The following XPR1 variants were observed in gnomAD, a reference collection of about 807,000 sequenced individuals.
XPR1 encodes solute carrier family 53 member 1.
In XPR1, 28 loss-of-function variants were observed where a neutral mutation model predicts 87.5. The ratio of observed to expected loss-of-function variants is 0.32; its 90% confidence interval spans 0.24 to 0.44. The LOEUF is 0.44. Among genes scored for constraint, XPR1 ranks in the 20% least tolerant of loss-of-function variants. The pLI is 1.00. For synonymous variants in XPR1, 300 were observed against 306.1 expected, an observed-to-expected ratio of 0.98 and a Z score of 0.21; for missense variants, 559 against 862.3, an observed-to-expected ratio of 0.65 and a Z score of 4.41.
intron 9 of XPR1, 36 bp downstream of exon 9, chr1:180,825,380 G>T: frequency 6.3e-7 from 1 of 1,579,980 alleles, no homozygotes; most frequent in Non-Finnish European, 8.6e-7. Flanking sequence ...TTTTAGAGTG[G>T]CATATTGGTT....
intron 1 of XPR1, among the ~76,000 whole-genome samples, chr1:180,658,257 T>G (rs1470911816): frequency 6.6e-6 from 1 of 152,234 alleles, no homozygotes; most frequent in Non-Finnish European, 1.5e-5. Flanking sequence ...ACTTCTTTCT[T>G]TCTAGCTTGG....
chr1:180,804,450 A>T (rs6677349), intron 4 of XPR1, among the ~76,000 whole-genome samples: 67,373 of 152,052 alleles, frequency 0.44, 15,338 homozygotes, highest in Non-Finnish European at 0.47. Flanking sequence ...CATATTTTTT[A>T]AAAGTTATTG....
intron 1 of XPR1, among the ~76,000 whole-genome samples, chr1:180,675,469 A>C (rs1474956045): frequency 6.6e-6 from 1 of 152,196 alleles, no homozygotes; most frequent in African/African-American, 2.4e-5. Flanking sequence ...TATATTACTT[A>C]GTTTTCAGCT....
intron 2 of XPR1, among the ~76,000 whole-genome samples, chr1:180,703,114 T>C (rs887970145): frequency 6.6e-6 from 1 of 152,150 alleles, no homozygotes; most frequent in Non-Finnish European, 1.5e-5. Context: ...GAAGGCTGTT[T>C]GAGGCTTTGC....
chr1:180,632,214 G>C lies in XPR1; in HGVS notation c.13G>C (p.Glu5Gln). Reference protein sequence around the residue: MKFAEHLSAHITPEW... With the variant: MKFAQHLSAHITPEW... ...GGGAAACGGCAGGATGAAGTTCGCCGAGCACCTCTCCGCGCACATCACTCC... is the reference window on the plus strand; with the variant it reads ...GGGAAACGGCAGGATGAAGTTCGCCCAGCACCTCTCCGCGCACATCACTCC... Residue 5 changes from glutamate (E) to glutamine (Q), a missense_variant, in exon 1 of 15, where the codon GAG becomes CAG. By Grantham distance (29) the Glu-to-Gln change is conservative (BLOSUM62 2). Coordinates refer to ENST00000367590, the MANE Select transcript of XPR1 (RefSeq NM_004736.4). The C allele has an allele frequency of 6.2e-7, 1 of 1,610,316 alleles. No individual in the cohort carries two copies. The highest frequency in any genetic ancestry group is 8.5e-7 in the Non-Finnish European group (1 of 1,178,200).
intron 2 of XPR1, among the ~76,000 whole-genome samples, chr1:180,706,088 TG>T (rs1657547988): frequency 6.6e-6 from 1 of 152,202 alleles, no homozygotes; most frequent in African/African-American, 2.4e-5. Flanking sequence ...GGGTTATCAC[TG>T]GAGAATAGTT....
intron 12 of XPR1, among the ~76,000 whole-genome samples, chr1:180,864,210 T>G (rs12565658): frequency 0.23 from 34,864 of 152,032 alleles, 4,087 homozygotes; most frequent in Middle Eastern, 0.28. Flanking sequence ...GAACATGGAA[T>G]GCCCTCAGTC....
intron 14 of XPR1, among the ~76,000 whole-genome samples, chr1:180,882,574 T>G (rs1652878904): frequency 6.6e-6 from 1 of 152,172 alleles, no homozygotes; most frequent in African/African-American, 2.4e-5. Flanking sequence ...CAGGCTAGTC[T>G]CAAACTCCTA....
intron 1 of XPR1, among the ~76,000 whole-genome samples, chr1:180,663,362 C>T (rs964599997): frequency 1.3e-5 from 2 of 152,188 alleles, no homozygotes; most frequent in African/African-American, 4.8e-5. Flanking sequence ...TTCCCCAAGC[C>T]CAGTAACATT....
intron 11 of XPR1, among the ~76,000 whole-genome samples, chr1:180,846,076 A>T (rs975073579): frequency 2.6e-5 from 4 of 152,134 alleles, no homozygotes; most frequent in African/African-American, 9.7e-5. Flanking sequence ...CCTAGCCAAC[A>T]TGGCAAAACC....
chr1:180,728,997 C>A (rs1038880258), intron 2 of XPR1, among the ~76,000 whole-genome samples: 4 of 152,112 alleles, frequency 2.6e-5, no homozygotes, highest in Non-Finnish European at 5.9e-5. Flanking sequence ...CTCCTGCCAC[C>A]CTCCACCCTC....
chr1:180,766,740 C>T (rs1245063694), intron 2 of XPR1, among the ~76,000 whole-genome samples: 1 of 152,058 alleles, frequency 6.6e-6, no homozygotes, highest in Non-Finnish European at 1.5e-5. Flanking sequence ...TGAAAATCAA[C>T]AATAAGTACA....
intron 2 of XPR1, among the ~76,000 whole-genome samples, chr1:180,765,226 A>G (rs1032243742): frequency 1.3e-5 from 2 of 152,204 alleles, no homozygotes; most frequent in Non-Finnish European, 2.9e-5. Flanking sequence ...TGGAAGAGCT[A>G]GGATTTAAAC....
chr1:180,709,929 G>T (rs1657706255), intron 2 of XPR1, among the ~76,000 whole-genome samples: 1 of 148,944 alleles, frequency 6.7e-6, no homozygotes, highest in African/African-American at 2.5e-5. Context: ...TTTTCGAGAT[G>T]GAGTTTTGCT....
At chr1:180,877,560 A>G (rs1652703602) in intron 13 of XPR1, among the ~76,000 whole-genome samples, 1 of 152,248 alleles carries the variant, frequency 6.6e-6, no homozygotes, top group Non-Finnish European at 1.5e-5. Flanking sequence ...TATGAAGAGT[A>G]AATCAATGAA....
chr1:180,840,094 G>C (rs59601261), intron 11 of XPR1, among the ~76,000 whole-genome samples: 6,491 of 151,612 alleles, frequency 0.043, 489 homozygotes, highest in African/African-American at 0.15. Flanking sequence ...GCGGTGGCGG[G>C]CGCCTGTAGT....
At chr1:180,773,976 A>T (rs1648613991) in intron 2 of XPR1, among the ~76,000 whole-genome samples, 1 of 152,200 alleles carries the variant, frequency 6.6e-6, no homozygotes, top group South Asian at 2.1e-4. Context: ...TTGCATTTTC[A>T]TAGTCAGTTG....
chr1:180,845,064 C>T (rs1217566120), intron 11 of XPR1, among the ~76,000 whole-genome samples: 1 of 152,058 alleles, frequency 6.6e-6, no homozygotes, highest in Non-Finnish European at 1.5e-5. Flanking sequence ...TGGCAAAGGA[C>T]TTAAAACAGT....
At chr1:180,696,301 T>G (rs566513768) in intron 2 of XPR1, among the ~76,000 whole-genome samples, 17 of 151,182 alleles carry the variant, frequency 1.1e-4, no homozygotes, top group Non-Finnish European at 2.4e-4. Context: ...CCCTACTGAT[T>G]TTTTGTATGC....
Sources: gnomAD v4.1 joint callset for allele counts (sites outside exome capture counted in the v4.1 genomes callset) on GRCh38, gnomAD v4.1.1 for gene constraint, MANE v1.5 for transcripts, NCBI Gene and HGNC (gene_info 2026-07-23, HGNC 2026-07-21) for gene names.